Variants in GPC6 observed in about 807,000 individuals in gnomAD.
The protein encoded by GPC6 is glypican 6, also known as glypican-6.
Under a neutral mutation model 55.2 loss-of-function variants are expected in GPC6, and 14 were observed. The ratio of observed to expected loss-of-function variants is 0.25; its 90% CI spans 0.17 to 0.40. GPC6 has a LOEUF of 0.40. Ranked by LOEUF, GPC6 falls within the 10% of genes least tolerant of loss-of-function variation. The pLI, the probability that GPC6 is intolerant of heterozygous loss-of-function variation, is 1.00. For missense variants in GPC6, 641 were observed against 708.5 expected (o/e 0.90, Z 1.08); for synonymous variants, 278 against 259.6 (o/e 1.07, Z -0.68).
chr13:94,001,142 T>G (rs746411241), intron 3 of GPC6, among the ~76,000 whole-genome samples: 1 of 152,190 alleles, frequency 6.6e-6, no homozygotes, highest in South Asian at 2.1e-4. Flanking sequence ...AGCAAACATT[T>G]ATTGAACACC....
At chr13:93,827,156 A>ACTT (rs1307568376) in intron 2 of GPC6, among the ~76,000 whole-genome samples, 1 of 152,162 alleles carries the variant, frequency 6.6e-6, no homozygotes, top group African/African-American at 2.4e-5. Context: ...TTGACTGAAG[A>ACTT]CTTTATCCAA....
chr13:93,450,650 C>T, intron 1 of GPC6: 1 of 595,918 alleles, frequency 1.7e-6, no homozygotes, highest in Non-Finnish European at 2.1e-6. Context: ...CTGCATTTCC[C>T]TGAAGAATGC....
At chr13:94,138,001 C>T (rs1037943636) in intron 4 of GPC6, among the ~76,000 whole-genome samples, 4 of 152,132 alleles carry the variant, frequency 2.6e-5, no homozygotes, top group Non-Finnish European at 5.9e-5. Context: ...AAACAAAATC[C>T]TCCTTTCCAT....
At chr13:93,937,745 AT>A (rs1314231531) in intron 3 of GPC6, among the ~76,000 whole-genome samples, 1 of 151,906 alleles carries the variant, frequency 6.6e-6, no homozygotes, top group East Asian at 1.9e-4. Flanking sequence ...TGCTTGGCTA[AT>A]TTTTGTATTG....
intron 1 of GPC6, among the ~76,000 whole-genome samples, chr13:93,513,086 C>T (rs1881045041): frequency 6.6e-6 from 1 of 152,106 alleles, no homozygotes; most frequent in African/African-American, 2.4e-5. Flanking sequence ...TTGCTGTAAA[C>T]TGGATTACAA....
chr13:93,923,180 T>C (rs1480418890), intron 3 of GPC6, among the ~76,000 whole-genome samples: 2 of 152,224 alleles, frequency 1.3e-5, no homozygotes. Context: ...TTTGCCTTTA[T>C]GCAAACACAA....
chr13:93,341,491 A>T (rs1880253122), intron 1 of GPC6, among the ~76,000 whole-genome samples: 2 of 152,148 alleles, frequency 1.3e-5, no homozygotes, highest in Admixed American at 1.3e-4. Flanking sequence ...CATATCCCTG[A>T]TGATTAGTGA....
intron 2 of GPC6, among the ~76,000 whole-genome samples, chr13:93,603,299 G>A (rs1038710642): frequency 6.6e-6 from 1 of 152,028 alleles, no homozygotes; most frequent in African/African-American, 2.4e-5. Flanking sequence ...GAGCAACCAC[G>A]CCCAGCCTCT....
chr13:93,726,672 G>A (rs1173330805), intron 2 of GPC6, among the ~76,000 whole-genome samples: 1 of 151,912 alleles, frequency 6.6e-6, no homozygotes, highest in East Asian at 1.9e-4. Context: ...ATGGGCAATT[G>A]GAATGCCCGC....
intron 4 of GPC6, 121 bp from the exon 5 acceptor site, chr13:94,286,228 C>A: frequency 1.0e-6 from 1 of 983,014 alleles, no homozygotes; most frequent in Non-Finnish European, 1.6e-6. Context: ...TATATGAAAG[C>A]AAATTTAAAA....
intron 4 of GPC6, among the ~76,000 whole-genome samples, chr13:94,160,251 T>C (rs1271757649): frequency 6.6e-6 from 1 of 152,212 alleles, no homozygotes; most frequent in Non-Finnish European, 1.5e-5. Flanking sequence ...TAGCCATGTG[T>C]ATACAAGAAA....
intron 3 of GPC6, among the ~76,000 whole-genome samples, chr13:93,886,180 A>G (rs984836751): frequency 2.6e-5 from 4 of 152,108 alleles, no homozygotes; most frequent in African/African-American, 9.7e-5. Context: ...ACATTTTATT[A>G]TGAAAGTTTC....
At chr13:94,330,127 A>ATAAG (rs1180865199) in intron 6 of GPC6, among the ~76,000 whole-genome samples, 1 of 152,220 alleles carries the variant, frequency 6.6e-6, no homozygotes, top group African/African-American at 2.4e-5. Flanking sequence ...AACTCCCTGC[A>ATAAG]TAAGTTTAAT....
chr13:93,597,872 G>A lies in GPC6; in HGVS notation c.319+52451G>A, dbSNP rs1266010761. On this transcript the variant is annotated intron_variant, in intron 2 of 8. Transcript: ENST00000377047. Reference sequence around the variant, plus strand: ...GTCAAAAGTTATATGTGGGCTGGGCGCGGTGGCTCACACCTGTAATCCAAG... The same window carrying A: ...GTCAAAAGTTATATGTGGGCTGGGCACGGTGGCTCACACCTGTAATCCAAG... Among the ~76,000 whole-genome samples the A allele has an allele frequency of 5.3e-5, 8 of 152,096 alleles. No individual in the cohort carries two copies. In the East Asian group the frequency reaches 7.7e-4, roughly 15 times the overall value.
At chr13:93,926,625 C>T (rs1209690809) in intron 3 of GPC6, among the ~76,000 whole-genome samples, 1 of 152,150 alleles carries the variant, frequency 6.6e-6, no homozygotes, top group Non-Finnish European at 1.5e-5. Flanking sequence ...ACAAAGTAGT[C>T]TGGGTTTAAT....
intron 3 of GPC6, among the ~76,000 whole-genome samples, chr13:93,947,983 T>C (rs1879088408): frequency 1.3e-5 from 2 of 152,236 alleles, no homozygotes; most frequent in African/African-American, 4.8e-5. Flanking sequence ...TTAATTTTAC[T>C]ACCCTAATTA....
intron 3 of GPC6, among the ~76,000 whole-genome samples, chr13:93,986,671 G>A (rs980040029): frequency 6.6e-6 from 1 of 152,052 alleles, no homozygotes; most frequent in African/African-American, 2.4e-5. Context: ...GAATTGTGGA[G>A]AAATATAAAG....
rs1887452007 is a variant in GPC6 at position 93,830,627 on chromosome 13, A to C, written c.711+82A>C. On this transcript the variant is annotated intron_variant, in intron 3 of 8. Transcript: ENST00000377047. Reference sequence around the variant, plus strand: ...AACCAATGTTTAAAAAAAAAAAAAAAAAAAAAAAAAACCAAGGTAAAAATT... The same window carrying C: ...AACCAATGTTTAAAAAAAAAAAAAACAAAAAAAAAAACCAAGGTAAAAATT... 2.4e-6 allele frequency: 3 copies of C among 1,242,502 alleles called. No homozygotes were observed. The South Asian group carries it at 4.2e-5, about 18-fold the overall frequency. The allele number at this position is 1,242,502 out of a possible 1,614,324, so 77.0% of individuals were successfully genotyped here.
chr13:93,713,833 G>T (rs926914727), intron 2 of GPC6, among the ~76,000 whole-genome samples: 1 of 151,592 alleles, frequency 6.6e-6, no homozygotes, highest in African/African-American at 2.4e-5. Context: ...GGTATCTCAG[G>T]CTAGCAGCTC....
Sources: gnomAD v4.1 joint callset for allele counts (sites outside exome capture counted in the v4.1 genomes callset) on GRCh38, gnomAD v4.1.1 for gene constraint, MANE v1.5 for transcripts, NCBI Gene and HGNC (gene_info 2026-07-23, HGNC 2026-07-21) for gene names.